MECOM: variants seen among roughly 807,000 people sequenced by gnomAD.
The protein encoded by MECOM is MDS1 and EVI1 complex locus.
MECOM carries 13 observed loss-of-function variants against 116.3 expected under a neutral mutation model. The observed-to-expected ratio is 0.11, with a 90% CI of 0.07 to 0.18. The LOEUF (loss-of-function observed/expected upper bound fraction) is 0.18. Ranked by LOEUF, MECOM falls within the 10% of genes least tolerant of loss-of-function variation. The pLI is 1.00. For missense variants in MECOM, 1,299 were observed against 1,509.0 expected (o/e 0.86, Z 2.31); for synonymous variants, 528 against 535.2 (o/e 0.99, Z 0.19).
chr3:169,620,247 T>C (rs920402233), intron 1 of MECOM, among the ~76,000 whole-genome samples: 5 of 152,236 alleles, frequency 3.3e-5, no homozygotes, highest in Non-Finnish European at 4.4e-5. Flanking sequence ...TGCAACCCTC[T>C]GGCTTCCAAT....
intron 1 of MECOM, among the ~76,000 whole-genome samples, chr3:169,553,598 A>G (rs1031254191): frequency 6.6e-6 from 1 of 152,236 alleles, no homozygotes; most frequent in Admixed American, 6.5e-5. Flanking sequence ...TTAGCTTGCC[A>G]CAATTTCCAT....
chr3:169,541,034 T>C (rs1274363882), intron 1 of MECOM, among the ~76,000 whole-genome samples: 2 of 152,218 alleles, frequency 1.3e-5, no homozygotes, highest in Admixed American at 6.5e-5. Flanking sequence ...ACTGATCATA[T>C]GAATTTAAAA....
At chr3:169,125,348 G>A (rs759084619) in intron 5 of MECOM, among the ~76,000 whole-genome samples, 6 of 152,024 alleles carry the variant, frequency 3.9e-5, no homozygotes, top group Admixed American at 1.3e-4. Flanking sequence ...CTCACTGTCC[G>A]TCCCTAGCAA....
chr3:169,485,271 A>C (rs1274087375), intron 1 of MECOM, among the ~76,000 whole-genome samples: 1 of 152,186 alleles, frequency 6.6e-6, no homozygotes, highest in Non-Finnish European at 1.5e-5. Flanking sequence ...CTAGGATTAC[A>C]GGGATGAACC....
intron 1 of MECOM, among the ~76,000 whole-genome samples, chr3:169,642,199 T>A (rs938914258): frequency 6.6e-6 from 1 of 152,060 alleles, no homozygotes; most frequent in Non-Finnish European, 1.5e-5. Context: ...GTGCAACACT[T>A]GCAGGGAATT....
intron 2 of MECOM, among the ~76,000 whole-genome samples, chr3:169,345,597 A>G (rs1403098221): frequency 6.6e-6 from 1 of 152,160 alleles, no homozygotes; most frequent in Non-Finnish European, 1.5e-5. Flanking sequence ...CCTGAGAGCC[A>G]CAAATTGAGA....
chr3:169,472,531 A>AG (rs1749551013), intron 1 of MECOM, among the ~76,000 whole-genome samples: 12 of 96,022 alleles, frequency 1.2e-4, no homozygotes, highest in African/African-American at 2.2e-4. Flanking sequence ...AGAAAAGAAA[A>AG]GAAAAGGAAA....
chr3:169,498,280 C>A (rs5004899), intron 1 of MECOM, among the ~76,000 whole-genome samples: 2 of 152,150 alleles, frequency 1.3e-5, no homozygotes, highest in East Asian at 3.9e-4. Context: ...TTAAATCCCA[C>A]GAAAATAACA....
chr3:169,220,721 C>T (rs1425431700), intron 2 of MECOM, among the ~76,000 whole-genome samples: 1 of 152,148 alleles, frequency 6.6e-6, no homozygotes, highest in Non-Finnish European at 1.5e-5. Context: ...GTGATCCACC[C>T]ACCTGGGTCT....
intron 2 of MECOM, among the ~76,000 whole-genome samples, chr3:169,311,408 G>T (rs1479359962): frequency 6.6e-6 from 1 of 152,096 alleles, no homozygotes; most frequent in Non-Finnish European, 1.5e-5. Context: ...CCCTAATTTT[G>T]AATAACTGTC....
chr3:169,554,331 C>T (rs905444791), intron 1 of MECOM, among the ~76,000 whole-genome samples: 9 of 152,214 alleles, frequency 5.9e-5, no homozygotes, highest in Admixed American at 2.6e-4. Context: ...TTGCTTATTA[C>T]AGCAGTTCGC....
chr3:169,557,375 T>C (rs1762164425), intron 1 of MECOM, among the ~76,000 whole-genome samples: 1 of 151,934 alleles, frequency 6.6e-6, no homozygotes, highest in African/African-American at 2.4e-5. Flanking sequence ...CCCTCATAGT[T>C]CCCCCTAAAT....
chr3:169,364,957 T>C (rs1221354312), intron 2 of MECOM, among the ~76,000 whole-genome samples: 1 of 152,082 alleles, frequency 6.6e-6, no homozygotes, highest in Non-Finnish European at 1.5e-5. Context: ...TTTTCTAACA[T>C]ATTTACTTAA....
At chr3:169,199,185 T>C (rs1206151695) in intron 2 of MECOM, among the ~76,000 whole-genome samples, 1 of 152,004 alleles carries the variant, frequency 6.6e-6, no homozygotes, top group Non-Finnish European at 1.5e-5. Flanking sequence ...AAGAGCAAAA[T>C]AAAGACTTAT....
intron 2 of MECOM, among the ~76,000 whole-genome samples, chr3:169,216,905 G>A (rs942309099): frequency 9.0e-6 from 1 of 111,510 alleles, no homozygotes; most frequent in African/African-American, 3.1e-5. Context: ...CCATTTACAC[G>A]GAGTTACTTA....
chr3:169,347,453 T>C (rs1356245551), intron 2 of MECOM, among the ~76,000 whole-genome samples: 5 of 152,022 alleles, frequency 3.3e-5, no homozygotes, highest in Admixed American at 6.6e-5. Context: ...TGGAATGATA[T>C]GCAAGATATT....
chr3:169,207,423 G>A (rs1301815668), intron 2 of MECOM, among the ~76,000 whole-genome samples: 1 of 152,176 alleles, frequency 6.6e-6, no homozygotes. Context: ...AAAATCAGAA[G>A]AGCAGCAGTC....
intron 3 of MECOM, among the ~76,000 whole-genome samples, chr3:169,133,066 T>A (rs542522910): frequency 6.6e-6 from 1 of 151,750 alleles, no homozygotes; most frequent in Non-Finnish European, 1.5e-5. Flanking sequence ...ATCAATCTTA[T>A]TAAGCCAAAA....
intron 12 of MECOM, among the ~76,000 whole-genome samples, chr3:169,097,228 A>T (rs1189627712): frequency 6.6e-6 from 1 of 152,162 alleles, no homozygotes; most frequent in Non-Finnish European, 1.5e-5. Context: ...CTGCTTGCAC[A>T]CAAAGGGTCT....
Sources: gnomAD v4.1 joint callset for allele counts (sites outside exome capture counted in the v4.1 genomes callset) on GRCh38, gnomAD v4.1.1 for gene constraint, MANE v1.5 for transcripts, NCBI Gene and HGNC (gene_info 2026-07-23, HGNC 2026-07-21) for gene names.